Variants in GRN observed in about 807,000 individuals in gnomAD.
The protein encoded by GRN is progranulin.
Under a neutral mutation model 66.7 loss-of-function variants are expected in GRN, and 30 were observed. The ratio of observed to expected loss-of-function variants is 0.45; its 90% CI spans 0.34 to 0.61. The LOEUF is 0.61. GRN is among the 20% of genes least tolerant of loss of function. GRN has a pLI of 0.01. For synonymous variants in GRN, 327 were observed against 311.1 expected, an observed-to-expected ratio of 1.05 and a Z score of -0.54; for missense variants, 731 against 803.5, an observed-to-expected ratio of 0.91 and a Z score of 1.09.
Position 44,351,077 on chromosome 17 carries a change from A to G in GRN, c.749A>G (p.Asp250Gly). 1 of 1,614,002 alleles carries G rather than the reference A, an allele frequency of 6.2e-7. No homozygotes were observed. The highest frequency in any genetic ancestry group is 8.5e-7 in the Non-Finnish European group (1 of 1,179,954). Residue 250 changes from aspartate to glycine, a missense_variant, in exon 8 of 13, where the codon GAC (aspartate) becomes GGC (glycine). Physicochemically the swap from Asp to Gly is moderately conservative, Grantham distance 94 (BLOSUM62 -1). Coordinates refer to ENST00000053867, the MANE Select transcript of GRN (RefSeq NM_002087.4). ...CSDHLHCCPQDTVCDLIQSKC... is the reference protein window; with the variant it reads ...CSDHLHCCPQGTVCDLIQSKC... The stretch of plus-strand genomic sequence containing the variant: ...GATCACCTGCACTGCTGCCCCCAAG[A>G]CACTGTGTGTGACCTGATCCAGAGT...
chr17:44,352,294 T>C, intron 11 of GRN, 46 bp downstream of exon 11: 1 of 1,603,374 alleles, frequency 6.2e-7, no homozygotes. Context: ...CTAAGCCCAG[T>C]GAGGGGACAG....
Position 44,352,205 on chromosome 17 carries a change from GC to G in GRN, c.1373del (p.Pro458ArgfsTer33), listed in dbSNP as rs1298956171. The G allele has an allele frequency of 6.2e-7, 1 of 1,613,248 alleles. No individual in the cohort carries two copies. Among genetic ancestry groups the G allele is most frequent in the Non-Finnish European group, 8.5e-7 (1 of 1,179,974 alleles). ...HTSCPVGQTC[C>X]PSLGGSWACC... ...AGCTGCCCGGTGGGGCAGACCTGCT[GC>G]CCGAGCCTGGGTGGGAGCTGGGCCT... On this transcript the variant is annotated frameshift_variant, in exon 11 of 13. Transcript: ENST00000053867. LOFTEE classifies it high-confidence loss of function.
chr17:44,349,562 C>T lies in GRN; in HGVS notation c.264+11C>T. 5 of 1,614,130 alleles carry T rather than the reference C, an allele frequency of 3.1e-6. No homozygotes were observed. The highest frequency in any genetic ancestry group is 4.2e-6 in the Non-Finnish European group (5 of 1,180,008). Reference sequence around the variant, plus strand: ...TGCCCCTTCCCAGAGGTGAGCGTGCCATCAGCCCAGTGGAGGGGCTTAGGT... The same window carrying T: ...TGCCCCTTCCCAGAGGTGAGCGTGCTATCAGCCCAGTGGAGGGGCTTAGGT... On this transcript the variant is annotated intron_variant, in intron 3 of 12. Transcript: ENST00000053867.
chr17:44,350,231 A>G lies in GRN; in HGVS notation c.353A>G (p.Asn118Ser), dbSNP rs777551318. The G allele has an allele frequency of 1.2e-5, 20 of 1,608,088 alleles. No individual in the cohort carries two copies. Among genetic ancestry groups the G allele is most frequent in the Non-Finnish European group, 1.5e-5 (18 of 1,175,192 alleles). ...TCCTGGGTCATCTTGTCCACAGGTA[A>G]CAACTCCGTGGGTGCCATCCAGTGC... ...DGRSCFQRSGNNSVGAIQCPD... is the reference protein window; with the variant it reads ...DGRSCFQRSGSNSVGAIQCPD... Residue 118 changes from asparagine to serine, a missense_variant, in exon 5 of 13, where the codon AAC becomes AGC. By Grantham distance (46) the Asn-to-Ser change is conservative (BLOSUM62 1). Around this residue, in one of 3 missense-constraint regions of GRN, gnomAD observed 370 missense variants for 379.8 expected, o/e 0.97. Transcript: ENST00000053867.
intron 1 of GRN, among the ~76,000 whole-genome samples, chr17:44,348,919 G>A (rs551165187): frequency 2.0e-5 from 3 of 152,230 alleles, no homozygotes; most frequent in Non-Finnish European, 2.9e-5. Context: ...ACACATATAC[G>A]CATGTCAGCA....
intron 1 of GRN, among the ~76,000 whole-genome samples, chr17:44,348,849 C>G (rs529421733): frequency 6.6e-4 from 101 of 152,364 alleles, no homozygotes; most frequent in African/African-American, 2.4e-3. Context: ...GTCTTCCTGA[C>G]TCTCATAAGC....
chr17:44,350,707 G>A lies in GRN; in HGVS notation c.615G>A (p.Ser205=), dbSNP rs372963871. ...RTNRAVALSS[S]VMCPDARSRC... ...CTCTTCCAGTGGCCTTGTCCAGCTC[G>A]GTCATGTGTCCGGACGCACGGTCCC... The change falls in exon 7 of 13, where the codon TCG becomes TCA. Residue 205 remains serine, a synonymous_variant. Coordinates refer to ENST00000053867, the MANE Select transcript of GRN (RefSeq NM_002087.4). 2.2e-5 allele frequency: 35 copies of A among 1,613,866 alleles called. No homozygotes were observed. Among genetic ancestry groups the A allele is most frequent in the African/African-American group, 1.5e-4 (11 of 74,912 alleles).
At chr17:44,346,042 G>C (rs957324221) in intron 1 of GRN, 1 of 152,184 alleles carries the variant, frequency 6.6e-6, no homozygotes, top group Non-Finnish European at 1.5e-5. Context: ...TTCTGTATGC[G>C]AGTGCTTGTA....
intron 4 of GRN, 50 bp from the exon 5 acceptor site, chr17:44,350,178 G>GTCAA (rs2143330887): frequency 7.5e-7 from 1 of 1,325,096 alleles, no homozygotes; most frequent in Non-Finnish European, 1.1e-6. Flanking sequence ...TGATGGGGGA[G>GTCAA]TCACCTTCCC....
intron 4 of GRN, 170 bp downstream of exon 4, chr17:44,349,921 A>G (rs1431056597): frequency 1.5e-6 from 1 of 652,350 alleles, no homozygotes; most frequent in East Asian, 2.7e-5. Context: ...CACTGGGGAT[A>G]GGAGGGTGCG....
rs1227580286 is a variant in GRN at position 44,352,516 on chromosome 17, A to C, written c.1589A>C (p.Asn530Thr). 1.9e-6 allele frequency: 3 copies of C among 1,613,018 alleles called. No individual in the cohort carries two copies. In the South Asian group the frequency reaches 3.3e-5, roughly 18 times the overall value. Residue 530 changes from asparagine to threonine, a missense_variant, in exon 12 of 13, where the codon AAC becomes ACC. Asn to Thr is a moderately conservative substitution (Grantham distance 65). Coordinates refer to ENST00000053867, the MANE Select transcript of GRN (RefSeq NM_002087.4). ...ECGEGHFCHD[N>T]QTCCRDNRQG... is the part of the protein sequence containing the mutation. ...GGGGAAGGACACTTCTGCCATGATA[A>C]CCAGACCTGCTGCCGAGACAACCGA...
intron 1 of GRN, among the ~76,000 whole-genome samples, chr17:44,347,913 G>A (rs1011569745): frequency 7.5e-6 from 1 of 133,926 alleles, no homozygotes; most frequent in Non-Finnish European, 1.6e-5. Flanking sequence ...ATGGGCAACA[G>A]AGCAAGACTG....
In GRN at chr17:44,351,685, C is replaced by T. The variant is rs2048375933; in HGVS notation, c.1069C>T (p.Pro357Ser). 2.5e-6 allele frequency: 4 copies of T among 1,613,944 alleles called. No homozygotes were observed. Among genetic ancestry groups the T allele is most frequent in the South Asian group, 2.2e-5 (2 of 91,096 alleles). ...CCCAGCTCACCTCAGCCTGCCAGAC[C>T]CACAAGCCTTGAAGAGAGATGTCCC... ...KAPAHLSLPD[P>S]QALKRDVPCD... Residue 357 changes from proline (P) to serine (S), a missense_variant, in exon 10 of 13, where the codon CCA (proline) becomes TCA (serine). Physicochemically the swap from Pro to Ser is moderately conservative, Grantham distance 74 (BLOSUM62 -1). Transcript: ENST00000053867.
chr17:44,350,979 G>T, intron 7 of GRN, 58 bp from the exon 8 acceptor site: 1 of 1,594,268 alleles, frequency 6.3e-7, no homozygotes, highest in Non-Finnish European at 8.6e-7. Flanking sequence ...CAGCCTGGCT[G>T]CTCCCTGTGT....
chr17:44,352,875 C>T lies in GRN; in HGVS notation c.*77C>T. ...CTCTGCTCAGGCCTCCCTAGCACCT[C>T]CCCCTAACCAAATTCTCCCTGGACC... On this transcript the variant is annotated 3_prime_UTR_variant, in exon 13 of 13. Coordinates refer to ENST00000053867, the MANE Select transcript of GRN (RefSeq NM_002087.4). The T allele has an allele frequency of 7.0e-7, 1 of 1,427,906 alleles. No homozygotes were observed. Among genetic ancestry groups the T allele is most frequent in the Non-Finnish European group, 9.7e-7 (1 of 1,030,218 alleles). The allele number at this position is 1,427,906 out of a possible 1,614,324, so 88.5% of individuals were successfully genotyped here.
rs1338854866 is a variant in GRN at position 44,352,754 on chromosome 17, T to G, written c.1738T>G (p.Trp580Gly). ...GTGTTTGCGCAGGGAGGCCCCGCGC[T>G]GGGACGCCCCTTTGAGGGACCCAGC... ...TKCLRREAPRWDAPLRDPALR... is the reference protein window; with the variant it reads ...TKCLRREAPRGDAPLRDPALR... Residue 580 changes from tryptophan (W) to glycine (G), a missense_variant, in exon 13 of 13, where the codon TGG (tryptophan) becomes GGG (glycine). This residue lies in a region of GRN where 319 missense variants were observed against 347.2 expected (regional missense o/e 0.92). Coordinates refer to ENST00000053867, the MANE Select transcript of GRN (RefSeq NM_002087.4). The G allele has an allele frequency of 6.2e-7, 1 of 1,611,836 alleles. No individual in the cohort carries two copies. Among genetic ancestry groups the G allele is most frequent in the South Asian group, 1.1e-5 (1 of 91,084 alleles).
rs2048364513 is a variant in GRN, at chr17:44,350,710, C to A, written c.618C>A (p.Val206=). ...TNRAVALSSS[V]MCPDARSRCP... Reference sequence around the variant, plus strand: ...TTCCAGTGGCCTTGTCCAGCTCGGTCATGTGTCCGGACGCACGGTCCCGGT... The same window carrying A: ...TTCCAGTGGCCTTGTCCAGCTCGGTAATGTGTCCGGACGCACGGTCCCGGT... Residue 206 remains valine (V), a synonymous_variant, in exon 7 of 13, where the codon GTC becomes GTA. Coordinates refer to ENST00000053867, the MANE Select transcript of GRN (RefSeq NM_002087.4). The A allele has an allele frequency of 3.1e-6, 5 of 1,613,978 alleles. No individual in the cohort carries two copies. The highest frequency in any genetic ancestry group is 1.1e-5 in the South Asian group (1 of 91,050).
chr17:44,351,916 G>T (rs910516876), intron 10 of GRN, 99 bp from the exon 11 acceptor site: 69 of 1,462,664 alleles, frequency 4.7e-5, no homozygotes, highest in Non-Finnish European at 6.3e-5. Context: ...CCCAGCTGGA[G>T]GTGCTGTAAG....
intron 1 of GRN, among the ~76,000 whole-genome samples, chr17:44,346,779 A>G (rs570752536): frequency 6.6e-6 from 1 of 152,228 alleles, no homozygotes; most frequent in South Asian, 2.1e-4. Flanking sequence ...TAACCTATAC[A>G]TACTTTAAAT....
Sources: allele counts gnomAD v4.1 joint callset (sites outside exome capture counted in the v4.1 genomes callset), GRCh38; gene constraint gnomAD v4.1.1; regional missense constraint gnomAD v4.1.1; transcripts MANE v1.5; gene names NCBI Gene and HGNC (gene_info 2026-07-23, HGNC 2026-07-21).